Variants in WNK1 observed in about 807,000 individuals in gnomAD.
WNK1 encodes the protein serine/threonine-protein kinase WNK1.
WNK1 carries 38 observed loss-of-function variants against 222.8 expected under a neutral mutation model. The ratio of observed to expected loss-of-function variants is 0.17; its 90% confidence interval spans 0.13 to 0.22. WNK1 has a LOEUF of 0.22. Ranked by LOEUF, WNK1 falls within the 10% of genes least tolerant of loss-of-function variation. The pLI is 1.00. For synonymous variants in WNK1, 1,090 were observed against 1,092.9 expected (o/e 1.00, Z 0.05); for missense variants, 2,348 against 2,918.4 (o/e 0.80, Z 4.50).
chr12:856,594 G>C (rs919934721), intron 4 of WNK1, among the ~76,000 whole-genome samples: 2 of 152,074 alleles, frequency 1.3e-5, no homozygotes, highest in African/African-American at 4.8e-5. Flanking sequence ...CTTGTCTTTC[G>C]TATGGGTCCA....
intron 10 of WNK1, among the ~76,000 whole-genome samples, chr12:878,837 G>A (rs1952863208): frequency 6.6e-6 from 1 of 151,400 alleles, no homozygotes; most frequent in Non-Finnish European, 1.5e-5. Context: ...CCCTGTAGAA[G>A]GTATGCTTTT....
intron 4 of WNK1, among the ~76,000 whole-genome samples, chr12:843,839 C>G (rs1434116612): frequency 6.6e-6 from 1 of 152,082 alleles, no homozygotes; most frequent in Non-Finnish European, 1.5e-5. Flanking sequence ...TTACATAGTC[C>G]AAGGGTGATT....
Position 909,025 on chromosome 12 carries a change from G to T in WNK1, c.*233G>T. Reference sequence around the variant, plus strand: ...AGAACAGCTTTTTTGTCAAGGGGCAGCTTCAGACCATGCTTTCCTGTTTAT... The same window carrying T: ...AGAACAGCTTTTTTGTCAAGGGGCATCTTCAGACCATGCTTTCCTGTTTAT... On this transcript the variant is annotated 3_prime_UTR_variant, in exon 28 of 28. Coordinates refer to ENST00000315939, the MANE Select transcript of WNK1 (RefSeq NM_018979.4). 1.8e-6 allele frequency: 1 copy of T among 565,958 alleles called. No homozygotes were observed. Among genetic ancestry groups the T allele is most frequent in the Non-Finnish European group, 3.2e-6 (1 of 316,776 alleles). 35.1% of individuals were successfully genotyped at this position (565,958 alleles called of 1,614,324 possible).
At chr12:767,234 GTTTTTTTTTTTTTTTT>G (rs71051382) in intron 1 of WNK1, among the ~76,000 whole-genome samples, 23 of 70,890 alleles carry the variant, frequency 3.2e-4, no homozygotes, top group Admixed American at 1.7e-3. Flanking sequence ...GGGTTGATAG[GTTTTTTTTTTTTTTTT>G]TTTTTTTTTT....
chr12:839,939 G>A (rs1244878710), intron 4 of WNK1, among the ~76,000 whole-genome samples: 1 of 144,174 alleles, frequency 6.9e-6, no homozygotes, highest in Non-Finnish European at 1.5e-5. Context: ...TGTTGGCCAT[G>A]CTGCTCTCGA....
intron 19 of WNK1, 136 bp from the exon 20 acceptor site, chr12:887,085 C>A (rs185294493): frequency 1.4e-4 from 112 of 814,868 alleles, no homozygotes; most frequent in Non-Finnish European, 1.7e-4. Flanking sequence ...CAGAGAGTAA[C>A]CTCAGTGATA....
In WNK1 at chr12:860,401, C is replaced by G. The variant is rs560234963; in HGVS notation, c.1621-612C>G. On this transcript the variant is annotated intron_variant, in intron 6 of 27. Transcript: ENST00000315939. ...ATGCTTGCCATAGTGCCCAAAATAG[C>G]TGATTATTATGGAAAGATAACTCAG... Among the ~76,000 whole-genome samples the G allele has an allele frequency of 3.9e-5, 6 of 152,250 alleles. No homozygotes were observed. In the South Asian group the frequency reaches 1.2e-3, roughly 32 times the overall value.
chr12:767,102 T>C (rs1324910365), intron 1 of WNK1, among the ~76,000 whole-genome samples: 1 of 151,674 alleles, frequency 6.6e-6, no homozygotes, highest in African/African-American at 2.4e-5. Context: ...ATTAAAATAG[T>C]TCATTGTGGT....
chr12:872,680 C>T (rs866872608), intron 9 of WNK1, among the ~76,000 whole-genome samples: 1 of 152,174 alleles, frequency 6.6e-6, no homozygotes, highest in Admixed American at 6.5e-5. Context: ...ATGCAAACTT[C>T]CTAATGTTAG....
intron 8 of WNK1, among the ~76,000 whole-genome samples, chr12:870,734 A>G (rs1010847719): frequency 2.6e-5 from 4 of 152,190 alleles, no homozygotes; most frequent in East Asian, 3.8e-4. Context: ...CATATTGCCA[A>G]GTGCCCCCCT....
chr12:840,968 A>G (rs1325547575), intron 4 of WNK1, among the ~76,000 whole-genome samples: 3 of 152,238 alleles, frequency 2.0e-5, no homozygotes, highest in Admixed American at 1.3e-4. Context: ...AAATCTTCTT[A>G]AATGAAAGAT....
intron 1 of WNK1, among the ~76,000 whole-genome samples, chr12:778,418 C>T (rs1318508913): frequency 6.6e-6 from 1 of 151,952 alleles, no homozygotes; most frequent in Non-Finnish European, 1.5e-5. Flanking sequence ...CTGCAACCTC[C>T]ACCTCCCGGG....
At chr12:875,073 A>G (rs778685297) in intron 9 of WNK1, among the ~76,000 whole-genome samples, 5 of 152,212 alleles carry the variant, frequency 3.3e-5, no homozygotes, top group Non-Finnish European at 7.3e-5. Flanking sequence ...GCCCTAAGAT[A>G]GAAAAATAGG....
At chr12:840,971 T>C (rs898211899) in intron 4 of WNK1, among the ~76,000 whole-genome samples, 3 of 152,246 alleles carry the variant, frequency 2.0e-5, no homozygotes, top group Admixed American at 6.5e-5. Context: ...TCTTCTTAAA[T>C]GAAAGATGTC....
intron 26 of WNK1, chr12:906,559 C>G: frequency 1.0e-6 from 1 of 985,286 alleles, no homozygotes; most frequent in Non-Finnish European, 1.2e-6. Flanking sequence ...ACCATGTCTT[C>G]CTGAAGTTGA....
rs1254068068 is a variant in WNK1 at position 779,372 on chromosome 12, CTTTCTTTTCTTTCT to C, written c.759+25059_759+25072del. ...TTCCCTTTCCCTTAATTTTCTTTGC[CTTTCTTTTCTTTCT>C]TTTCTTTTCTGTTTTTTTTTTTTCT... is the stretch of plus-strand genomic sequence containing the variant. On this transcript the variant is annotated intron_variant, in intron 1 of 27. Coordinates refer to ENST00000315939, the MANE Select transcript of WNK1 (RefSeq NM_018979.4). Among the ~76,000 whole-genome samples the C allele has an allele frequency of 4.6e-4, 68 of 147,946 alleles. 1 individual carries two copies. The highest frequency in any genetic ancestry group is 3.4e-3 in the Middle Eastern group (1 of 290).
intron 8 of WNK1, among the ~76,000 whole-genome samples, chr12:869,730 T>C (rs1031238122): frequency 6.6e-6 from 1 of 152,076 alleles, no homozygotes; most frequent in African/African-American, 2.4e-5. Flanking sequence ...CTGTGCATTA[T>C]TATATGTCCA....
chr12:908,425 T>C, intron 27 of WNK1, 50 bp from the exon 28 acceptor site: 2 of 1,591,650 alleles, frequency 1.3e-6, no homozygotes, highest in Non-Finnish European at 1.7e-6. Flanking sequence ...CGCCACACAT[T>C]TTATACCATG....
chr12:785,810 A>T (rs1944249646), intron 1 of WNK1, among the ~76,000 whole-genome samples: 1 of 151,952 alleles, frequency 6.6e-6, no homozygotes, highest in African/African-American at 2.4e-5. Flanking sequence ...CTCTTTAAAG[A>T]CTTTTTTCAA....
Sources: allele counts gnomAD v4.1 joint callset (sites outside exome capture counted in the v4.1 genomes callset), GRCh38; gene constraint gnomAD v4.1.1; transcripts MANE v1.5; gene names NCBI Gene and HGNC (gene_info 2026-07-23, HGNC 2026-07-21).